Variants in CFAP77 observed in about 807,000 individuals in gnomAD.
CFAP77 encodes cilia and flagella associated protein 77, also known as cilia- and flagella-associated protein 77.
In CFAP77, 25 loss-of-function variants were observed where a neutral mutation model predicts 31.1. The observed-to-expected ratio is 0.80, with a 90% CI of 0.59 to 1.12. The LOEUF (loss-of-function observed/expected upper bound fraction) is 1.12, where lower values mean the gene tolerates loss of function less well. Ranked by LOEUF, CFAP77 falls within the 50% of genes most tolerant of loss-of-function variation. CFAP77 has a pLI of 0.00. For missense variants in CFAP77, 377 were observed against 397.3 expected, an observed-to-expected ratio of 0.95 and a Z score of 0.44; for synonymous variants, 151 against 159.9, an observed-to-expected ratio of 0.94 and a Z score of 0.42.
rs1009789580 is a variant in CFAP77, at chr9:132,564,470, G to A, written c.733-7918G>A. ...AAATTGCCTGGAAATGTAAAATCAC[G>A]CTTATAAATAACTTAGCGATCAAAG... On this transcript the variant is annotated intron_variant, in intron 5 of 5. Transcript: ENST00000393216. The surrounding 1 kb of genome is among the most constrained non-coding windows in gnomAD (Gnocchi z 4.6). 2.0e-5 allele frequency among the ~76,000 whole-genome samples: 3 copies of A among 152,134 alleles called. No individual in the cohort carries two copies. Among genetic ancestry groups the A allele is most frequent in the African/African-American group, 7.2e-5 (3 of 41,422 alleles).
chr9:132,458,541 C>T (rs1271159107), intron 1 of CFAP77, among the ~76,000 whole-genome samples: 4 of 152,268 alleles, frequency 2.6e-5, no homozygotes, highest in Admixed American at 6.5e-5. Flanking sequence ...AGGTCAGGTC[C>T]GCACAGGACA....
At position 132,498,673 on chromosome 9, in the gene CFAP77, C is replaced by T; in HGVS notation, c.196-22C>T. ...TCTGAGACTCCACTCCTCACCTCTG[C>T]TCTCTGTCCTTCCCCCGACAGGCTG... On this transcript the variant is annotated intron_variant, in intron 1 of 5. Transcript: ENST00000393216. This position sits in a 1 kb window ranked among gnomAD's most constrained non-coding sequence, Gnocchi z 4.2. 1.3e-6 allele frequency: 2 copies of T among 1,581,852 alleles called. No individual in the cohort carries two copies. Among genetic ancestry groups the T allele is most frequent in the Non-Finnish European group, 1.7e-6 (2 of 1,155,448 alleles).
At chr9:132,506,449 G>A (rs917351412) in intron 3 of CFAP77, among the ~76,000 whole-genome samples, 13 of 152,072 alleles carry the variant, frequency 8.5e-5, no homozygotes, top group East Asian at 1.9e-4. Flanking sequence ...CAGGGATGGC[G>A]GGGAGGGGAG....
rs560527397 is a variant in CFAP77 at position 132,539,262 on chromosome 9, C to T, written c.630+1556C>T. ...CAGTACTTTATAGACTTCATCAAGGCGTGGCTCCGGCGTGGCTAGTTGTCA... is the reference window on the plus strand; with the variant it reads ...CAGTACTTTATAGACTTCATCAAGGTGTGGCTCCGGCGTGGCTAGTTGTCA... On this transcript the variant is annotated intron_variant, in intron 4 of 5. Transcript: ENST00000393216. This position sits in a 1 kb window ranked among gnomAD's most constrained non-coding sequence, Gnocchi z 4.3. Among the ~76,000 whole-genome samples, 25 of 152,214 alleles carry T rather than the reference C, an allele frequency of 1.6e-4. No homozygotes were observed. Among genetic ancestry groups the T allele is most frequent in the Admixed American group, 2.6e-4 (4 of 15,294 alleles).
intron 1 of CFAP77, among the ~76,000 whole-genome samples, chr9:132,494,987 T>C (rs1391989189): frequency 6.6e-6 from 1 of 152,220 alleles, no homozygotes; most frequent in African/African-American, 2.4e-5. Context: ...AAGGGCACTC[T>C]GCTTCCCACA....
chr9:132,472,693 G>A (rs1231838869), intron 1 of CFAP77, among the ~76,000 whole-genome samples: 1 of 152,198 alleles, frequency 6.6e-6, no homozygotes, highest in Non-Finnish European at 1.5e-5. Flanking sequence ...CTTGAGCCGA[G>A]GAGATCGAGG....
intron 1 of CFAP77, among the ~76,000 whole-genome samples, chr9:132,436,889 G>C (rs528515304): frequency 6.6e-6 from 1 of 152,294 alleles, no homozygotes; most frequent in South Asian, 2.1e-4. Context: ...GAGTGAACTT[G>C]TCTGGATAGG....
At chr9:132,530,371 G>T (rs1225118205) in intron 3 of CFAP77, among the ~76,000 whole-genome samples, 1 of 151,586 alleles carries the variant, frequency 6.6e-6, no homozygotes, top group Non-Finnish European at 1.5e-5. Flanking sequence ...CACCTCCCAG[G>T]TTCAAGCGAT....
At position 132,410,375 on chromosome 9, in the gene CFAP77, C is replaced by T; in HGVS notation, c.104C>T (p.Pro35Leu). The part of the protein sequence containing the change: ...VSQVCPPPRR[P>L]LTVADIRSGM... Reference sequence around the variant, plus strand: ...CAGGTCTGCCCGCCCCCGCGGCGGCCCCTGACCGTGGCGGACATCCGTTCC... The same window carrying T: ...CAGGTCTGCCCGCCCCCGCGGCGGCTCCTGACCGTGGCGGACATCCGTTCC... Residue 35 changes from proline (P) to leucine (L), a missense_variant, in exon 1 of 6, where the codon CCC becomes CTC. Transcript: ENST00000393216. 1.3e-6 allele frequency: 2 copies of T among 1,599,792 alleles called. No individual in the cohort carries two copies. Among genetic ancestry groups the T allele is most frequent in the Non-Finnish European group, 1.7e-6 (2 of 1,174,698 alleles).
chr9:132,449,263 CCTTG>C (rs1225682631), intron 1 of CFAP77, among the ~76,000 whole-genome samples: 1 of 145,940 alleles, frequency 6.9e-6, no homozygotes, highest in East Asian at 2.0e-4. Context: ...TCTTTTGCTC[CCTTG>C]CACTCACCCT....
rs147996985 is a variant in CFAP77 at position 132,541,746 on chromosome 9, G to A, written c.631-1200G>A. 9.9e-3 allele frequency among the ~76,000 whole-genome samples: 1,506 copies of A among 152,260 alleles called. 14 individuals carry two copies. The highest frequency in any genetic ancestry group is 0.014 in the Non-Finnish European group (934 of 68,016). ...AAAACACAAAAAAACGGGTAGGGGG[G>A]TTTGTAAGTGATCCACAGACACTTT... On this transcript the variant is annotated intron_variant, in intron 4 of 5. Transcript: ENST00000393216.
chr9:132,470,462 A>G (rs1323833392), intron 1 of CFAP77, among the ~76,000 whole-genome samples: 2 of 152,198 alleles, frequency 1.3e-5, no homozygotes, highest in Non-Finnish European at 2.9e-5. Flanking sequence ...TGGTGGTGAC[A>G]GTGCTGGGAA....
intron 1 of CFAP77, among the ~76,000 whole-genome samples, chr9:132,421,153 G>A (rs904345781): frequency 3.9e-5 from 6 of 152,018 alleles, no homozygotes; most frequent in Middle Eastern, 3.4e-3. Flanking sequence ...AATTACAGGC[G>A]CCTGCCACCA....
rs865804044 is a variant in CFAP77, at chr9:132,486,038, A to G, written c.196-12657A>G. 6.5e-3 allele frequency among the ~76,000 whole-genome samples: 234 copies of G among 36,230 alleles called. 35 individuals are homozygous for G. The highest frequency in any genetic ancestry group is 0.064 in the African/African-American group (191 of 2,990). The allele number at this position is 36,230 out of a possible 152,430, so 23.8% of individuals were successfully genotyped here. A position where few individuals can be genotyped will look rare whatever the true frequency, so the allele number is the denominator to read the frequency against. On this transcript the variant is annotated intron_variant, in intron 1 of 5. Coordinates refer to ENST00000393216, the MANE Select transcript of CFAP77 (RefSeq NM_001282957.2). ...TATATATATATATATATATATATAT[A>G]TATGTATGTATATGTATGTGTGTGT... is the stretch of plus-strand genomic sequence containing the variant.
intron 1 of CFAP77, among the ~76,000 whole-genome samples, chr9:132,453,086 T>C (rs1850854073): frequency 6.6e-6 from 1 of 152,204 alleles, no homozygotes; most frequent in South Asian, 2.1e-4. Context: ...TTAGTGAAGC[T>C]GGATGAACCT....
chr9:132,433,526 C>T (rs906123243), intron 1 of CFAP77, among the ~76,000 whole-genome samples: 5 of 151,284 alleles, frequency 3.3e-5, no homozygotes, highest in African/African-American at 1.2e-4. Flanking sequence ...CACACTTCTC[C>T]TCTCCTCACG....
chr9:132,547,526 C>T (rs1316602868), intron 5 of CFAP77, among the ~76,000 whole-genome samples: 1 of 152,208 alleles, frequency 6.6e-6, no homozygotes, highest in Non-Finnish European at 1.5e-5. Context: ...CCCTGTTCCC[C>T]GCACTGATGC....
At chr9:132,487,427 T>C (rs1178709145) in intron 1 of CFAP77, among the ~76,000 whole-genome samples, 4 of 152,288 alleles carry the variant, frequency 2.6e-5, no homozygotes, top group Middle Eastern at 6.8e-3. Context: ...GACTTTTTCA[T>C]AGATAAAATA....
chr9:132,460,794 C>T (rs746136505), intron 1 of CFAP77, among the ~76,000 whole-genome samples: 31 of 152,148 alleles, frequency 2.0e-4, no homozygotes, highest in African/African-American at 3.9e-4. Flanking sequence ...AGTGCAATCT[C>T]GGCTCACTGC....
Sources: allele counts gnomAD v4.1 joint callset (sites outside exome capture counted in the v4.1 genomes callset), GRCh38; gene constraint gnomAD v4.1.1; non-coding constraint Gnocchi (gnomAD v3.1); transcripts MANE v1.5; gene names NCBI Gene and HGNC (gene_info 2026-07-23, HGNC 2026-07-21).